PMFBP1: variants seen among roughly 807,000 people sequenced by gnomAD.
PMFBP1 encodes polyamine-modulated factor 1-binding protein 1.
PMFBP1 carries 131 observed loss-of-function variants against 137.8 expected under a neutral mutation model. The ratio of observed to expected loss-of-function variants is 0.95; its 90% CI spans 0.82 to 1.10. PMFBP1 has a LOEUF of 1.10. Among genes scored for constraint, PMFBP1 ranks in the 50% least tolerant of loss-of-function variants. PMFBP1 has a pLI of 0.00. For missense variants in PMFBP1, 1,199 were observed against 1,175.4 expected (o/e 1.02, Z -0.29); for synonymous variants, 490 against 450.4 (o/e 1.09, Z -1.11).
At chr16:72,181,067 C>G (rs923980304), upstream of PMFBP1, among the ~76,000 whole-genome samples, 3 of 151,882 alleles carry the variant, frequency 2.0e-5, no homozygotes, top group African/African-American at 7.3e-5. Flanking sequence ...GGTGAAACCC[C>G]GTCTCTACTA....
the PMFBP1 span, among the ~76,000 whole-genome samples, chr16:72,187,921 T>C: frequency 6.6e-6 from 1 of 152,228 alleles, no homozygotes; most frequent in Admixed American, 6.5e-5. Context: ...CACCCACAGA[T>C]GTGGCTGTGA....
the PMFBP1 span, among the ~76,000 whole-genome samples, chr16:72,230,150 G>C: frequency 6.6e-6 from 1 of 152,148 alleles, no homozygotes; most frequent in African/African-American, 2.4e-5. Context: ...TGCTTTTACT[G>C]ACTGGTAAGG....
At chr16:72,123,940 A>G (rs960097881) in intron 17 of PMFBP1, among the ~76,000 whole-genome samples, 5 of 152,196 alleles carry the variant, frequency 3.3e-5, no homozygotes, top group Admixed American at 2.0e-4. Flanking sequence ...ACTCCTAAAA[A>G]AGAAGTATGC....
chr16:72,243,941 T>G, the PMFBP1 span, among the ~76,000 whole-genome samples: 1 of 152,190 alleles, frequency 6.6e-6, no homozygotes, highest in African/African-American at 2.4e-5. Context: ...CCCTAAAGGT[T>G]AGCCTTCGAC....
chr16:72,150,815 C>T lies in PMFBP1; in HGVS notation c.429G>A (p.Glu143=), dbSNP rs1432616779. The T allele has an allele frequency of 3.1e-6, 5 of 1,613,650 alleles. No homozygotes were observed. The highest frequency in any genetic ancestry group is 1.7e-5 in the Admixed American group (1 of 60,008). Residue 143 remains glutamate, a synonymous_variant, in exon 5 of 21, where the codon GAG becomes GAA. Transcript: ENST00000237353. ...KLKEDEVILY[E]EEMGNHNENT... is the part of the protein sequence containing the mutation. Reference sequence around the variant, plus strand: ...TCTCGTTGTGATTTCCCATTTCCTCCTCATAGAGAATCACCTGTAGGTGTA... The same window carrying T: ...TCTCGTTGTGATTTCCCATTTCCTCTTCATAGAGAATCACCTGTAGGTGTA...
intron 17 of PMFBP1, 126 bp from the exon 18 acceptor site, chr16:72,123,775 C>T (rs2042412484): frequency 2.4e-6 from 2 of 821,272 alleles, no homozygotes; most frequent in Non-Finnish European, 3.7e-6. Context: ...CAACCCGAGG[C>T]CAGAGTTGTG....
At chr16:72,183,121 G>A in the PMFBP1 span, among the ~76,000 whole-genome samples, 2 of 152,320 alleles carry the variant, frequency 1.3e-5, no homozygotes, top group African/African-American at 4.8e-5. Context: ...GGCACTGCAT[G>A]CCACCTTGTA....
intron 14 of PMFBP1, 122 bp from the exon 15 acceptor site, chr16:72,126,254 G>C: frequency 9.4e-7 from 1 of 1,063,724 alleles, no homozygotes; most frequent in Non-Finnish European, 1.4e-6. Flanking sequence ...TGCAGAGTCC[G>C]TGTTAACACT....
the PMFBP1 span, among the ~76,000 whole-genome samples, chr16:72,233,900 A>G: frequency 6.6e-6 from 1 of 152,142 alleles, no homozygotes; most frequent in South Asian, 2.1e-4. Context: ...CATGTTGTTA[A>G]CAGGTGTCAG....
chr16:72,225,814 G>T, the PMFBP1 span, among the ~76,000 whole-genome samples: 2 of 151,308 alleles, frequency 1.3e-5, no homozygotes, highest in Admixed American at 6.6e-5. Flanking sequence ...GCCCATAGAT[G>T]CTAGGTGTGT....
the PMFBP1 span, among the ~76,000 whole-genome samples, chr16:72,187,790 C>T: frequency 1.3e-4 from 20 of 152,214 alleles, no homozygotes; most frequent in Admixed American, 3.9e-4. Context: ...CTAATGCTAC[C>T]GGGTTAGCAT....
At chr16:72,222,090 C>T in the PMFBP1 span, among the ~76,000 whole-genome samples, 2 of 152,108 alleles carry the variant, frequency 1.3e-5, no homozygotes, top group African/African-American at 4.8e-5. Flanking sequence ...GTCGTGTGGC[C>T]AGTAAGTGGC....
intron 5 of PMFBP1, among the ~76,000 whole-genome samples, chr16:72,147,714 A>G (rs915500138): frequency 1.3e-5 from 2 of 152,244 alleles, no homozygotes; most frequent in African/African-American, 4.8e-5. Context: ...GGCAAAGGAT[A>G]TGAACAGACA....
At chr16:72,173,183 T>G (rs2144539030), upstream of PMFBP1, among the ~76,000 whole-genome samples, 1 of 152,352 alleles carries the variant, frequency 6.6e-6, no homozygotes, top group East Asian at 1.9e-4. Context: ...TAAATGGCCT[T>G]TAGAAGTCTT....
Position 72,139,367 on chromosome 16 carries a change from T to C in PMFBP1, c.840A>G (p.Leu280=), listed in dbSNP as rs747492224. 3.7e-6 allele frequency: 6 copies of C among 1,613,984 alleles called. No homozygotes were observed. In the African/African-American group the frequency reaches 5.3e-5, roughly 14 times the overall value. Residue 280 remains leucine, a synonymous_variant, in exon 7 of 21, where the codon CTA becomes CTG. Coordinates refer to ENST00000237353, the MANE Select transcript of PMFBP1 (RefSeq NM_031293.3). ...CTGTACAGGAAGCAAAATCGGCTTGTAGTTTTATCAAAGCCTTTTCACGCT... is the reference window on the plus strand; with the variant it reads ...CTGTACAGGAAGCAAAATCGGCTTGCAGTTTTATCAAAGCCTTTTCACGCT... ...VLEREKALIK[L]QADFASCTAT...
intron 3 of PMFBP1, 122 bp from the exon 4 acceptor site, chr16:72,154,581 C>T (rs2042954615): frequency 8.7e-7 from 1 of 1,145,402 alleles, no homozygotes; most frequent in African/African-American, 1.6e-5. Flanking sequence ...TTTATCTTTT[C>T]ATCTACAGAG....
intron 3 of PMFBP1, 60 bp downstream of exon 3, chr16:72,164,704 A>C: frequency 6.5e-7 from 1 of 1,534,318 alleles, no homozygotes; most frequent in Non-Finnish European, 8.8e-7. Context: ...ATTCCCGCCC[A>C]AGGGAGCAGA....
chr16:72,248,536 T>G, the PMFBP1 span, among the ~76,000 whole-genome samples: 7 of 152,212 alleles, frequency 4.6e-5, no homozygotes, highest in Admixed American at 3.3e-4. Context: ...ATAGGACAAC[T>G]GGCCAGAGCA....
the PMFBP1 span, among the ~76,000 whole-genome samples, chr16:72,226,480 T>G: frequency 6.6e-6 from 1 of 152,172 alleles, no homozygotes; most frequent in Non-Finnish European, 1.5e-5. Context: ...AAGTGACTGT[T>G]TCTGCCCCCA....
Sources: gnomAD v4.1 joint callset for allele counts (sites outside exome capture counted in the v4.1 genomes callset) on GRCh38, gnomAD v4.1.1 for gene constraint, MANE v1.5 for transcripts, NCBI Gene and HGNC (gene_info 2026-07-23, HGNC 2026-07-21) for gene names.